MOK: variants seen among roughly 807,000 people sequenced by gnomAD.
MOK encodes the protein MOK protein kinase.
MOK carries 59 observed loss-of-function variants against 54.2 expected under a neutral mutation model. The ratio of observed to expected loss-of-function variants is 1.09; its 90% CI spans 0.88 to 1.35. The LOEUF is 1.35. MOK is among the 40% of genes most tolerant of loss of function. MOK has a pLI of 0.00. For synonymous variants in MOK, 210 were observed against 202.7 expected (o/e 1.04, Z -0.31); for missense variants, 517 against 526.2 (o/e 0.98, Z 0.17).
chr14:102,248,338 C>A (rs949086254), intron 7 of MOK, among the ~76,000 whole-genome samples: 12 of 152,090 alleles, frequency 7.9e-5, no homozygotes, highest in African/African-American at 2.2e-4. Flanking sequence ...GATAAGCAAA[C>A]CCCAATTACA....
At chr14:102,269,984 C>T (rs1198486727) in intron 2 of MOK, among the ~76,000 whole-genome samples, 1 of 152,118 alleles carries the variant, frequency 6.6e-6, no homozygotes, top group Non-Finnish European at 1.5e-5. Flanking sequence ...ATATTCTTTT[C>T]AAGTATATAT....
intron 1 of MOK, 47 bp from the exon 2 acceptor site, chr14:102,283,639 A>C: frequency 8.6e-7 from 1 of 1,164,680 alleles, no homozygotes; most frequent in Non-Finnish European, 1.3e-6. Flanking sequence ...TTATGCATAC[A>C]CTTGTATTCA....
intron 1 of MOK, among the ~76,000 whole-genome samples, chr14:102,303,200 T>G (rs879301452): frequency 1.3e-4 from 20 of 150,386 alleles, no homozygotes; most frequent in Admixed American, 1.3e-3. Context: ...GGTAGATAAA[T>G]AAACCAAATG....
rs1459946420 is a variant in MOK, at chr14:102,230,419, T to A, written c.982-762A>T. 2.0e-5 allele frequency: 3 copies of A among 152,240 alleles called. No individual in the cohort carries two copies. Among genetic ancestry groups the A allele is most frequent in the Non-Finnish European group, 2.9e-5 (2 of 68,048 alleles). 9.4% of individuals were successfully genotyped at this position (152,240 alleles called of 1,614,324 possible). A position where few individuals can be genotyped will look rare whatever the true frequency, so the allele number is the denominator to read the frequency against. On this transcript the variant is annotated intron_variant, in intron 10 of 11. Transcript: ENST00000361847. The surrounding 1 kb of genome is among the most constrained non-coding windows in gnomAD (Gnocchi z 4.1). ...ATTATGTGAAATTCAAATTTTAGTG[T>A]CCCCAGTTCTACTGGAACGCAGCCC...
intron 7 of MOK, among the ~76,000 whole-genome samples, chr14:102,237,631 A>G (rs918187163): frequency 6.6e-6 from 1 of 152,148 alleles, no homozygotes; most frequent in South Asian, 2.1e-4. Context: ...CGCTCTTGTC[A>G]CTGCACCAGC....
At chr14:102,304,160 A>G (rs2072528239) in intron 1 of MOK, among the ~76,000 whole-genome samples, 1 of 152,262 alleles carries the variant, frequency 6.6e-6, no homozygotes, top group Non-Finnish European at 1.5e-5. Context: ...CAATTAGGAT[A>G]CAATGCAAAT....
At position 102,233,677 on chromosome 14, in the gene MOK, A is replaced by AC. The variant is rs527535571; in HGVS notation, c.692+10dup. 15 of 1,607,588 alleles carry AC rather than the reference A, an allele frequency of 9.3e-6. No homozygotes were observed. Among genetic ancestry groups the AC allele is most frequent in the Non-Finnish European group, 1.3e-5 (15 of 1,174,196 alleles). ...GTGGGTCCACATCCACTCTCAGAAC[A>AC]CAATACTTACTGTTTGAACTTGGTG... On this transcript the variant is annotated intron_variant, in intron 8 of 11. Transcript: ENST00000361847.
intron 7 of MOK, among the ~76,000 whole-genome samples, chr14:102,248,550 G>A (rs556024921): frequency 2.6e-5 from 4 of 152,042 alleles, no homozygotes; most frequent in Admixed American, 6.6e-5. Context: ...AGGCTGAGGC[G>A]GGCGGATCAC....
chr14:102,276,416 G>A (rs968987372), intron 2 of MOK, among the ~76,000 whole-genome samples: 1 of 152,014 alleles, frequency 6.6e-6, no homozygotes, highest in Admixed American at 6.6e-5. Context: ...GTGAACCCAG[G>A]AGTCAGAGCT....
intron 2 of MOK, 177 bp downstream of exon 2, chr14:102,283,301 T>C: frequency 2.1e-6 from 1 of 472,000 alleles, no homozygotes; most frequent in Non-Finnish European, 3.7e-6. Context: ...TAAGCCTGGA[T>C]ATGAGTAAAC....
In MOK at chr14:102,229,497, G is replaced by T. The variant is rs1309063618; in HGVS notation, c.1142C>A (p.Pro381Gln). 6.2e-7 allele frequency: 1 copy of T among 1,614,172 alleles called. No homozygotes were observed. The highest frequency in any genetic ancestry group is 8.5e-7 in the Non-Finnish European group (1 of 1,180,028). ...VLGSGTNGRVPVLRPLKCIPA... is the reference protein window; with the variant it reads ...VLGSGTNGRVQVLRPLKCIPA... ...GATGCACTTCAAGGGTCTCAGCACC[G>T]GCACTCTTCCATTTGTTCCAGATCC... Residue 381 changes from proline to glutamine, a missense_variant, in exon 11 of 12, where the codon CCG (proline) becomes CAG (glutamine). Coordinates refer to ENST00000361847, the MANE Select transcript of MOK (RefSeq NM_014226.3).
chr14:102,244,790 A>G (rs1389808438), intron 7 of MOK, among the ~76,000 whole-genome samples: 5 of 152,162 alleles, frequency 3.3e-5, no homozygotes, highest in Non-Finnish European at 7.3e-5. Flanking sequence ...CGGTCCAATA[A>G]CGGACTGGCC....
chr14:102,253,759 AGTGT>A (rs2066716352), intron 4 of MOK, among the ~76,000 whole-genome samples: 1 of 152,196 alleles, frequency 6.6e-6, no homozygotes, highest in African/African-American at 2.4e-5. Context: ...TAATTTTCAA[AGTGT>A]GTGTTTTAAG....
rs1271546051 is a variant in MOK at position 102,261,343 on chromosome 14, T to C, written c.283+2203A>G. 5.3e-5 allele frequency among the ~76,000 whole-genome samples: 6 copies of C among 112,478 alleles called. No individual in the cohort carries two copies. In the East Asian group the frequency reaches 1.6e-3, roughly 29 times the overall value. The allele number at this position is 112,478 out of a possible 152,430, so 73.8% of individuals were successfully genotyped here. On this transcript the variant is annotated intron_variant, in intron 4 of 11. Coordinates refer to ENST00000361847, the MANE Select transcript of MOK (RefSeq NM_014226.3). The stretch of plus-strand genomic sequence containing the variant: ...CTGAGGCAGTAGAATCTCTTGAACC[T>C]GGGAGGCAGAGGTTGCAGTGAGCTG...
chr14:102,280,158 C>A (rs1193091511), intron 2 of MOK, among the ~76,000 whole-genome samples: 1 of 151,934 alleles, frequency 6.6e-6, no homozygotes, highest in African/African-American at 2.4e-5. Context: ...TGCTTTCTGC[C>A]AAATCCCTCG....
At chr14:102,253,078 A>T (rs2066656902) in intron 4 of MOK, among the ~76,000 whole-genome samples, 1 of 152,194 alleles carries the variant, frequency 6.6e-6, no homozygotes. Context: ...GGTTTTTCTG[A>T]GTTTTGAAAC....
intron 4 of MOK, among the ~76,000 whole-genome samples, chr14:102,255,277 C>A (rs2066857849): frequency 6.6e-6 from 1 of 152,114 alleles, no homozygotes; most frequent in Non-Finnish European, 1.5e-5. Flanking sequence ...GAGATCGTGC[C>A]ACTGTACTCC....
At position 102,231,834 on chromosome 14, in the gene MOK, A is replaced by G. The variant is rs1256126373; in HGVS notation, c.867-13T>C. 1 of 1,608,366 alleles carries G rather than the reference A, an allele frequency of 6.2e-7. No individual in the cohort carries two copies. Among genetic ancestry groups the G allele is most frequent in the Non-Finnish European group, 8.5e-7 (1 of 1,175,870 alleles). Reference sequence around the variant, plus strand: ...CTTCTCTGTTTTCCTACGGGGAAGGAGAAGAGAATGGAGCAGCTCCACTGA... The same window carrying G: ...CTTCTCTGTTTTCCTACGGGGAAGGGGAAGAGAATGGAGCAGCTCCACTGA... On this transcript the variant is annotated splice_polypyrimidine_tract_variant and intron_variant, in intron 9 of 11. Coordinates refer to ENST00000361847, the MANE Select transcript of MOK (RefSeq NM_014226.3). The surrounding 1 kb of genome is among the most constrained non-coding windows in gnomAD (Gnocchi z 4.4).
chr14:102,293,741 A>G (rs976092264), intron 1 of MOK, among the ~76,000 whole-genome samples: 1 of 151,478 alleles, frequency 6.6e-6, no homozygotes, highest in African/African-American at 2.4e-5. Context: ...AGAAAAGAAA[A>G]AAAAGAAAAA....
Sources: allele counts gnomAD v4.1 joint callset (sites outside exome capture counted in the v4.1 genomes callset), GRCh38; gene constraint gnomAD v4.1.1; non-coding constraint Gnocchi (gnomAD v3.1); transcripts MANE v1.5; gene names NCBI Gene and HGNC (gene_info 2026-07-23, HGNC 2026-07-21).